DSTYK: variants seen among roughly 807,000 people sequenced by gnomAD.
The protein encoded by DSTYK is dual serine/threonine and tyrosine protein kinase.
Under a neutral mutation model 98.7 loss-of-function variants are expected in DSTYK, and 34 were observed. The ratio of observed to expected loss-of-function variants is 0.34; its 90% confidence interval spans 0.26 to 0.46. DSTYK has a LOEUF of 0.46. Among genes scored for constraint, DSTYK ranks in the 20% least tolerant of loss-of-function variants. The probability of loss-of-function intolerance (pLI) is 1.00; values close to 1 mark genes in which losing one functional copy is unlikely to be tolerated. For synonymous variants in DSTYK, 462 were observed against 457.3 expected, an observed-to-expected ratio of 1.01 and a Z score of -0.13; for missense variants, 962 against 1,181.7, an observed-to-expected ratio of 0.81 and a Z score of 2.73.
chr1:205,190,615 CAAA>C (rs760042971), intron 1 of DSTYK, among the ~76,000 whole-genome samples: 13 of 71,916 alleles, frequency 1.8e-4, no homozygotes, highest in Admixed American at 1.1e-3. Flanking sequence ...GACTCCATCT[CAAA>C]AAAAAAAAAA....
intron 3 of DSTYK, among the ~76,000 whole-genome samples, chr1:205,164,201 C>A (rs962478556): frequency 1.3e-5 from 2 of 152,062 alleles, no homozygotes; most frequent in African/African-American, 4.8e-5. Context: ...GCCTGTAATT[C>A]CAAAACTTTG....
At chr1:205,172,165 C>T (rs767690286) in intron 2 of DSTYK, among the ~76,000 whole-genome samples, 1 of 152,132 alleles carries the variant, frequency 6.6e-6, no homozygotes, top group South Asian at 2.1e-4. Context: ...CCATGTTGGC[C>T]GGGCTGGTCT....
intron 1 of DSTYK, among the ~76,000 whole-genome samples, chr1:205,203,916 AAAC>A (rs749816822): frequency 2.6e-5 from 4 of 152,104 alleles, no homozygotes; most frequent in South Asian, 2.1e-4. Flanking sequence ...CTCTGTCTCA[AAAC>A]AACAACAACA....
At chr1:205,185,692 G>C (rs1445353829) in intron 2 of DSTYK, among the ~76,000 whole-genome samples, 11 of 152,116 alleles carry the variant, frequency 7.2e-5, no homozygotes, top group Admixed American at 7.2e-4. Flanking sequence ...ATATGTACTG[G>C]GTCCTGAAAG....
intron 2 of DSTYK, among the ~76,000 whole-genome samples, chr1:205,183,308 T>C (rs184242445): frequency 5.9e-5 from 9 of 152,198 alleles, no homozygotes; most frequent in African/African-American, 1.9e-4. Context: ...GTGACTATAT[T>C]TGAACACTAA....
chr1:205,184,273 T>TA (rs1036900514), intron 2 of DSTYK, among the ~76,000 whole-genome samples: 55 of 145,722 alleles, frequency 3.8e-4, no homozygotes, highest in Admixed American at 2.3e-3. Flanking sequence ...CATTAGAAAT[T>TA]AAAAAAAAAA....
chr1:205,150,644 C>G lies in DSTYK; in HGVS notation c.2467+36G>C. ...TAGCACTCAGGATTAAAGTAGTACGCCCTGCCCAGACCCACTGCCTGCCCT... is the reference window on the plus strand; with the variant it reads ...TAGCACTCAGGATTAAAGTAGTACGGCCTGCCCAGACCCACTGCCTGCCCT... On this transcript the variant is annotated intron_variant, in intron 11 of 12. Transcript: ENST00000367162. The surrounding 1 kb of genome is among the most constrained non-coding windows in gnomAD (Gnocchi z 4.1). The G allele has an allele frequency of 6.5e-7, 1 of 1,529,070 alleles. No homozygotes were observed. Among genetic ancestry groups the G allele is most frequent in the Non-Finnish European group, 9.1e-7 (1 of 1,104,784 alleles). The allele number at this position is 1,529,070 out of a possible 1,614,324, so 94.7% of individuals were successfully genotyped here.
At chr1:205,206,583 CTT>C (rs761643455) in intron 1 of DSTYK, among the ~76,000 whole-genome samples, 45 of 109,464 alleles carry the variant, frequency 4.1e-4, no homozygotes, top group Non-Finnish European at 3.3e-4. Context: ...CTGGCCTGTT[CTT>C]TTTTTTTTTT....
intron 1 of DSTYK, 126 bp downstream of exon 1, chr1:205,211,145 C>T (rs1574811121): frequency 1.5e-6 from 2 of 1,362,546 alleles, no homozygotes; most frequent in East Asian, 2.8e-5. Context: ...GGGGACCCGG[C>T]CACACGACAC....
intron 8 of DSTYK, 137 bp downstream of exon 8, chr1:205,159,977 A>AAGGG (rs1657668741): frequency 9.5e-7 from 1 of 1,049,522 alleles, no homozygotes; most frequent in Admixed American, 1.9e-5. Flanking sequence ...AAAGGCCTGA[A>AAGGG]AGGGAGCACA....
chr1:205,202,373 A>G (rs753056665), intron 1 of DSTYK: 2 of 731,284 alleles, frequency 2.7e-6, no homozygotes. Context: ...TACCATTCCA[A>G]CATTACAATG....
At chr1:205,168,361 C>G (rs1451590466) in intron 3 of DSTYK, among the ~76,000 whole-genome samples, 1 of 152,106 alleles carries the variant, frequency 6.6e-6, no homozygotes, top group Non-Finnish European at 1.5e-5. Context: ...GCCTTAGTCC[C>G]TCATCTAGAA....
chr1:205,157,909 A>C (rs1335102608), intron 9 of DSTYK, among the ~76,000 whole-genome samples: 2 of 152,198 alleles, frequency 1.3e-5, no homozygotes, highest in East Asian at 3.9e-4. Flanking sequence ...TTCAAATGTG[A>C]CTAGCAGATA....
chr1:205,161,138 A>C, intron 7 of DSTYK, 120 bp downstream of exon 7: 1 of 1,286,644 alleles, frequency 7.8e-7, no homozygotes, highest in Non-Finnish European at 1.1e-6. Flanking sequence ...AACATCAGTA[A>C]GGGTTTAGGC....
chr1:205,155,885 G>T (rs1486304791), intron 10 of DSTYK, among the ~76,000 whole-genome samples: 1 of 152,136 alleles, frequency 6.6e-6, no homozygotes, highest in African/African-American at 2.4e-5. Flanking sequence ...TGGGCCCAGG[G>T]CCCCCCTGCT....
At chr1:205,148,618 C>A (rs1657314201) in intron 11 of DSTYK, among the ~76,000 whole-genome samples, 1 of 151,952 alleles carries the variant, frequency 6.6e-6, no homozygotes, top group Non-Finnish European at 1.5e-5. Context: ...CTAGGACAGT[C>A]AAAAAGATTA....
intron 1 of DSTYK, among the ~76,000 whole-genome samples, chr1:205,207,141 C>T (rs112707141): frequency 2.7e-5 from 4 of 149,576 alleles, no homozygotes; most frequent in Admixed American, 6.7e-5. Flanking sequence ...TGCAATGGCT[C>T]GATCTCGACT....
Position 205,150,388 on chromosome 1 carries a change from G to C in DSTYK, c.2467+292C>G, listed in dbSNP as rs1657367438. 6.6e-6 allele frequency among the ~76,000 whole-genome samples: 1 copy of C among 152,036 alleles called. No homozygotes were observed. Among genetic ancestry groups the C allele is most frequent in the African/African-American group, 2.4e-5 (1 of 41,392 alleles). On this transcript the variant is annotated intron_variant, in intron 11 of 12. Transcript: ENST00000367162. The surrounding 1 kb of genome is among the most constrained non-coding windows in gnomAD (Gnocchi z 4.1). ...ATAGAGGACAACTCCTATCACACAG[G>C]AGTTATTCAATCAATACTTTATGAT... is the stretch of plus-strand genomic sequence containing the variant.
At chr1:205,207,788 A>G (rs868198750) in intron 1 of DSTYK, among the ~76,000 whole-genome samples, 72 of 135,476 alleles carry the variant, frequency 5.3e-4, no homozygotes, top group African/African-American at 1.5e-3. Context: ...AAAAAAAAAA[A>G]AAAAAGAAAA....
Sources: gnomAD v4.1 joint callset for allele counts (sites outside exome capture counted in the v4.1 genomes callset) on GRCh38, gnomAD v4.1.1 for gene constraint, Gnocchi (gnomAD v3.1) non-coding constraint, MANE v1.5 for transcripts, NCBI Gene and HGNC (gene_info 2026-07-23, HGNC 2026-07-21) for gene names.